PRDM16: variants seen among roughly 807,000 people sequenced by gnomAD.
PRDM16 encodes histone-lysine N-methyltransferase PRDM16.
PRDM16 carries 23 observed loss-of-function variants against 110.6 expected under a neutral mutation model. The observed-to-expected ratio is 0.21, with a 90% CI of 0.15 to 0.29. The LOEUF is 0.29. Among genes scored for constraint, PRDM16 ranks in the 10% least tolerant of loss-of-function variants. The pLI, the probability that PRDM16 is intolerant of heterozygous loss-of-function variation, is 1.00. For synonymous variants in PRDM16, 799 were observed against 781.8 expected (o/e 1.02, Z -0.37); for missense variants, 1,615 against 1,794.3 (o/e 0.90, Z 1.81).
chr1:3,242,939 T>A (rs560747058), intron 2 of PRDM16, among the ~76,000 whole-genome samples: 3 of 152,344 alleles, frequency 2.0e-5, no homozygotes, highest in African/African-American at 7.2e-5. Flanking sequence ...AAAAATCCAA[T>A]TTCTAGAGCT....
chr1:3,412,418 A>G lies in PRDM16; in HGVS notation c.2221A>G (p.Thr741Ala). ...PNFPHSLYPFTDRALAHNLLV... is the reference protein window; with the variant it reads ...PNFPHSLYPFADRALAHNLLV... ...CTTCCCCCACTCCCTTTACCCCTTC[A>G]CGGACCGAGCCCTCGCCCACAACTT... is the stretch of plus-strand genomic sequence containing the variant. The change falls in exon 9 of 17, where the codon ACG becomes GCG. Residue 741 changes from threonine to alanine, a missense_variant. Transcript: ENST00000270722. The G allele has an allele frequency of 6.2e-7, 1 of 1,611,826 alleles. No homozygotes were observed. Among genetic ancestry groups the G allele is most frequent in the Non-Finnish European group, 8.5e-7 (1 of 1,179,240 alleles).
At position 3,314,664 on chromosome 1, in the gene PRDM16, C is replaced by T. The variant is rs539543259; in HGVS notation, c.439-70488C>T. Among the ~76,000 whole-genome samples, 151 of 151,988 alleles carry T rather than the reference C, an allele frequency of 9.9e-4. 1 individual carries two copies. The highest frequency in any genetic ancestry group is 3.6e-3 in the African/African-American group (150 of 41,482). ...GTGTGTTGTTGTTGTTTCCCCTAATCGCCTTCGCCCCCGTAGCCAGTTTGT... is the reference window on the plus strand; with the variant it reads ...GTGTGTTGTTGTTGTTTCCCCTAATTGCCTTCGCCCCCGTAGCCAGTTTGT... On this transcript the variant is annotated intron_variant, in intron 3 of 16. Transcript: ENST00000270722.
intron 1 of PRDM16, among the ~76,000 whole-genome samples, chr1:3,138,087 C>T (rs965590665): frequency 6.6e-6 from 1 of 152,222 alleles, no homozygotes; most frequent in Admixed American, 6.5e-5. Flanking sequence ...TCCAGCCTGG[C>T]AAGCCCAACT....
At chr1:3,386,979 T>A (rs1423259615) in intron 4 of PRDM16, 1 of 144,032 alleles carries the variant, frequency 6.9e-6, no homozygotes, top group South Asian at 2.2e-4. Flanking sequence ...ACGTGTAATC[T>A]CAAAGAGAAG....
chr1:3,069,332 G>A lies in PRDM16; in HGVS notation c.37+36G>A. The A allele has an allele frequency of 9.1e-7, 1 of 1,093,812 alleles. No individual in the cohort carries two copies. The allele number at this position is 1,093,812 out of a possible 1,614,324, so 67.8% of individuals were successfully genotyped here. On this transcript the variant is annotated intron_variant, in intron 1 of 16. Coordinates refer to ENST00000270722, the MANE Select transcript of PRDM16 (RefSeq NM_022114.4). The surrounding 1 kb of genome is among the most constrained non-coding windows in gnomAD (Gnocchi z 6.1). ...CGCGCTCGGCCGCGCCGCGCCGCCG[G>A]GGCCCGGGCCGCCGGGCCGGGGCGC...
Position 3,359,875 on chromosome 1 carries a change from G to T in PRDM16, c.439-25277G>T, listed in dbSNP as rs12073210. 0.015 allele frequency among the ~76,000 whole-genome samples: 2,127 copies of T among 140,914 alleles called. 39 individuals carry two copies. The highest frequency in any genetic ancestry group is 0.062 in the African/African-American group (1,904 of 30,854). The allele number at this position is 140,914 out of a possible 152,430, so 92.4% of individuals were successfully genotyped here. A position where few individuals can be genotyped will look rare whatever the true frequency, so the allele number is the denominator to read the frequency against. On this transcript the variant is annotated intron_variant, in intron 3 of 16. Transcript: ENST00000270722. This position sits in a 1 kb window ranked among gnomAD's most constrained non-coding sequence, Gnocchi z 4.3. ...GACAAGGGCTTCCAATGTGTTCCAT[G>T]TGCAGGATCTCTTGGAAGACGGATG... is the stretch of plus-strand genomic sequence containing the variant.
chr1:3,404,225 G>A (rs1380227693), intron 6 of PRDM16, among the ~76,000 whole-genome samples: 1 of 152,220 alleles, frequency 6.6e-6, no homozygotes, highest in African/African-American at 2.4e-5. Context: ...TCCAAGTGCA[G>A]CGGCCCCTCC....
At chr1:3,094,978 A>T (rs1459925711) in intron 1 of PRDM16, among the ~76,000 whole-genome samples, 1 of 152,172 alleles carries the variant, frequency 6.6e-6, no homozygotes, top group East Asian at 1.9e-4. Context: ...GCATGGGGGA[A>T]TTGCCCGTGC....
intron 1 of PRDM16, among the ~76,000 whole-genome samples, chr1:3,165,551 A>G (rs1200547832): frequency 1.8e-5 from 2 of 111,788 alleles, no homozygotes; most frequent in Admixed American, 8.2e-5. Context: ...GCTCAGGGAC[A>G]GGGACTCACC....
chr1:3,356,324 G>A lies in PRDM16; in HGVS notation c.439-28828G>A, dbSNP rs183237677. On this transcript the variant is annotated intron_variant, in intron 3 of 16. Coordinates refer to ENST00000270722, the MANE Select transcript of PRDM16 (RefSeq NM_022114.4). Reference sequence around the variant, plus strand: ...AGGTGACAGTGCCCCTGGCCAGGGCGGCCACTCTGGCCTGATGCATGACCG... The same window carrying A: ...AGGTGACAGTGCCCCTGGCCAGGGCAGCCACTCTGGCCTGATGCATGACCG... 1.3e-3 allele frequency among the ~76,000 whole-genome samples: 197 copies of A among 152,324 alleles called. 1 individual carries two copies. In the East Asian group the frequency reaches 0.022, roughly 17 times the overall value.
intron 1 of PRDM16, among the ~76,000 whole-genome samples, chr1:3,114,530 A>G (rs910683740): frequency 3.3e-5 from 5 of 151,648 alleles, no homozygotes; most frequent in Admixed American, 6.6e-5. Flanking sequence ...ACACACGCAC[A>G]CATGCACACA....
At position 3,411,893 on chromosome 1, in the gene PRDM16, A is replaced by G. The variant is rs1643694034; in HGVS notation, c.1696A>G (p.Ser566Gly). 2 of 1,613,536 alleles carry G rather than the reference A, an allele frequency of 1.2e-6. No homozygotes were observed. Among genetic ancestry groups the G allele is most frequent in the East Asian group, 2.2e-5 (1 of 44,854 alleles). The part of the protein sequence containing the change: ...LPLVSAVSNS[S>G]QGTTAAAGPE... ...CCTGGTCTCCGCCGTCAGCAACAGC[A>G]GCCAGGGCACGACGGCAGCTGCGGG... The change falls in exon 9 of 17, where the codon AGC becomes GGC. Residue 566 changes from serine to glycine, a missense_variant. Ser to Gly is a moderately conservative substitution (Grantham distance 56). Coordinates refer to ENST00000270722, the MANE Select transcript of PRDM16 (RefSeq NM_022114.4).
intron 1 of PRDM16, among the ~76,000 whole-genome samples, chr1:3,131,683 G>A (rs1005876564): frequency 3.9e-5 from 6 of 152,232 alleles, no homozygotes; most frequent in Admixed American, 1.3e-4. Flanking sequence ...TGGTCTGTCC[G>A]CTGCATGGTG....
rs116433224 is a variant in PRDM16, at chr1:3,115,139, C to T, written c.37+45843C>T. Reference sequence around the variant, plus strand: ...CCCGCTCCTCCCACATCATCACATTCCTCGGTGAGTGGTTGGGGGGGCACT... The same window carrying T: ...CCCGCTCCTCCCACATCATCACATTTCTCGGTGAGTGGTTGGGGGGGCACT... On this transcript the variant is annotated intron_variant, in intron 1 of 16. Coordinates refer to ENST00000270722, the MANE Select transcript of PRDM16 (RefSeq NM_022114.4). Among the ~76,000 whole-genome samples, 91 of 152,384 alleles carry T rather than the reference C, an allele frequency of 6.0e-4. 1 individual carries two copies. Among genetic ancestry groups the T allele is most frequent in the African/African-American group, 1.8e-3 (73 of 41,594 alleles).
In PRDM16 at chr1:3,157,852, G is replaced by A. The variant is rs1643870612; in HGVS notation, c.38-28273G>A. Among the ~76,000 whole-genome samples the A allele has an allele frequency of 6.6e-6, 1 of 152,192 alleles. No individual in the cohort carries two copies. Among genetic ancestry groups the A allele is most frequent in the Admixed American group, 6.5e-5 (1 of 15,288 alleles). On this transcript the variant is annotated intron_variant, in intron 1 of 16. Transcript: ENST00000270722. This position sits in a 1 kb window ranked among gnomAD's most constrained non-coding sequence, Gnocchi z 4.8. ...ATCTGGCCTCCCCCAGCACCGCCGG[G>A]CTGGATGCTTTAGCCCCAGCACCAA...
intron 4 of PRDM16, among the ~76,000 whole-genome samples, chr1:3,388,269 CCT>C (rs916359595): frequency 2.0e-5 from 3 of 152,002 alleles, no homozygotes; most frequent in African/African-American, 4.8e-5. Flanking sequence ...CCTCCCTTCC[CCT>C]CTCTCTCTCC....
intron 3 of PRDM16, among the ~76,000 whole-genome samples, chr1:3,269,364 G>T (rs1640374560): frequency 6.6e-6 from 1 of 150,386 alleles, no homozygotes; most frequent in Non-Finnish European, 1.5e-5. Context: ...GAGCAGTCAG[G>T]AGGAGGACAG....
Position 3,433,938 on chromosome 1 carries a change from T to G in PRDM16, c.*127T>G. 1.1e-6 allele frequency: 1 copy of G among 947,034 alleles called. No individual in the cohort carries two copies. Among genetic ancestry groups the G allele is most frequent in the South Asian group, 1.7e-5 (1 of 59,824 alleles). 58.7% of individuals were successfully genotyped at this position (947,034 alleles called of 1,614,324 possible). ...TCCTCAGCATCCTCCCCACCCACCA[T>G]GGTTCATTCCGACTTTTCCAATGGA... On this transcript the variant is annotated 3_prime_UTR_variant, in exon 17 of 17. Transcript: ENST00000270722.
intron 3 of PRDM16, among the ~76,000 whole-genome samples, chr1:3,357,074 G>A (rs1642618706): frequency 1.3e-5 from 2 of 152,184 alleles, no homozygotes; most frequent in South Asian, 2.1e-4. Context: ...TCAGGCGGGT[G>A]CAGAAAAGGA....
Sources: gnomAD v4.1 joint callset for allele counts (sites outside exome capture counted in the v4.1 genomes callset) on GRCh38, gnomAD v4.1.1 for gene constraint, Gnocchi (gnomAD v3.1) non-coding constraint, MANE v1.5 for transcripts, NCBI Gene and HGNC (gene_info 2026-07-23, HGNC 2026-07-21) for gene names.